Variants in KIF24 observed in about 807,000 individuals in gnomAD.
The protein encoded by KIF24 is kinesin family member 24.
KIF24 carries 81 observed loss-of-function variants against 118.9 expected under a neutral mutation model. The ratio of observed to expected loss-of-function variants is 0.68; its 90% CI spans 0.57 to 0.82. The LOEUF (loss-of-function observed/expected upper bound fraction) is 0.82, where lower values mean the gene tolerates loss of function less well. Among genes scored for constraint, KIF24 ranks in the 40% least tolerant of loss-of-function variants. The pLI, the probability that KIF24 is intolerant of heterozygous loss-of-function variation, is 0.00. For missense variants in KIF24, 1,560 were observed against 1,661.6 expected, an observed-to-expected ratio of 0.94 and a Z score of 1.06; for synonymous variants, 599 against 610.0, an observed-to-expected ratio of 0.98 and a Z score of 0.27.
At chr9:34,290,136 G>A (rs778860694) in intron 5 of KIF24, 38 bp downstream of exon 5, 19 of 1,429,670 alleles carry the variant, frequency 1.3e-5, no homozygotes, top group Admixed American at 6.9e-5. Context: ...TTAAAATAGC[G>A]ATGAACAGAT....
chr9:34,301,307 G>T (rs550609338), intron 3 of KIF24, among the ~76,000 whole-genome samples: 3 of 152,224 alleles, frequency 2.0e-5, no homozygotes, highest in East Asian at 3.9e-4. Flanking sequence ...GAGTGCAGGG[G>T]TGTGATCTCG....
At chr9:34,293,578 T>C (rs1245595903) in intron 4 of KIF24, among the ~76,000 whole-genome samples, 4 of 151,040 alleles carry the variant, frequency 2.6e-5, no homozygotes, top group African/African-American at 9.7e-5. Flanking sequence ...ATCGAGACCA[T>C]CCTGGCTAAC....
Position 34,257,718 on chromosome 9 carries a change from CT to C in KIF24, c.1888del (p.Arg630GlyfsTer19), listed in dbSNP as rs1834910046. On this transcript the variant is annotated frameshift_variant, in exon 11 of 13. Coordinates refer to ENST00000402558, the MANE Select transcript of KIF24 (RefSeq NM_194313.4). LOFTEE classifies it high-confidence loss of function. Reference sequence around the variant, plus strand: ...TGAAGGACTCCCTCTGGAGCCACCCCTTTTACCAGAGACCTTAGGTGCAGAA... The same window carrying C: ...TGAAGGACTCCCTCTGGAGCCACCCCTTTACCAGAGACCTTAGGTGCAGAA... ...FTSAPKVSGK[R>X]GGSRGSPSQE... 1 of 1,614,030 alleles carries C rather than the reference CT, an allele frequency of 6.2e-7. No individual in the cohort carries two copies. Among genetic ancestry groups the C allele is most frequent in the Non-Finnish European group, 8.5e-7 (1 of 1,179,894 alleles).
chr9:34,254,701 T>G (rs955838419), intron 12 of KIF24, among the ~76,000 whole-genome samples, 181 bp from the exon 13 acceptor site: 2 of 152,036 alleles, frequency 1.3e-5, no homozygotes, highest in Admixed American at 1.3e-4. Flanking sequence ...TTCGAGACAC[T>G]TTCCAAGCAG....
chr9:34,278,572 CAAA>C (rs57086054), intron 6 of KIF24, among the ~76,000 whole-genome samples: 5 of 87,946 alleles, frequency 5.7e-5, no homozygotes. Context: ...TAGAGCAAAC[CAAA>C]AAAAAAAAAA....
intron 4 of KIF24, among the ~76,000 whole-genome samples, 179 bp downstream of exon 4, chr9:34,296,838 T>A (rs1211276371): frequency 2.0e-5 from 3 of 152,154 alleles, no homozygotes; most frequent in Non-Finnish European, 2.9e-5. Context: ...AATTTCTAAA[T>A]CCTTGGTAAA....
intron 8 of KIF24, among the ~76,000 whole-genome samples, chr9:34,264,061 G>C (rs1426954937): frequency 6.6e-6 from 1 of 152,026 alleles, no homozygotes; most frequent in African/African-American, 2.4e-5. Flanking sequence ...GGGGTCGTGG[G>C]GGGCAAGATG....
chr9:34,267,737 T>G (rs1167695810), intron 8 of KIF24, among the ~76,000 whole-genome samples: 1 of 152,248 alleles, frequency 6.6e-6, no homozygotes, highest in Non-Finnish European at 1.5e-5. Flanking sequence ...ATTTTACACT[T>G]AGAGCATATC....
At chr9:34,262,708 ATATATG>A (rs1287273577) in intron 9 of KIF24, among the ~76,000 whole-genome samples, 2,605 of 57,768 alleles carry the variant, frequency 0.045, 183 homozygotes, top group East Asian at 0.25. Context: ...ATATATATAT[ATATATG>A]GCCAGGCATG....
intron 6 of KIF24, among the ~76,000 whole-genome samples, chr9:34,285,710 G>C (rs1836017841): frequency 6.7e-6 from 1 of 150,192 alleles, no homozygotes; most frequent in Non-Finnish European, 1.5e-5. Flanking sequence ...GGGAGGCAGA[G>C]CTTGCAATGA....
At chr9:34,254,620 C>T in intron 12 of KIF24, 100 bp from the exon 13 acceptor site, 1 of 1,231,488 alleles carries the variant, frequency 8.1e-7, no homozygotes, top group Non-Finnish European at 1.1e-6. Context: ...TTTCAGAACC[C>T]AGGCCACTCT....
chr9:34,280,092 G>A (rs1173781976), intron 6 of KIF24, among the ~76,000 whole-genome samples: 2 of 151,352 alleles, frequency 1.3e-5, no homozygotes, highest in East Asian at 1.9e-4. Context: ...AGACCATCCC[G>A]GCTAAAACGG....
In KIF24 at chr9:34,268,798, G is replaced by T. The variant is rs185592606; in HGVS notation, c.1443+459C>A. Among the ~76,000 whole-genome samples the T allele has an allele frequency of 2.2e-4, 33 of 152,282 alleles. No individual in the cohort carries two copies. The East Asian group carries it at 6.2e-3, about 28-fold the overall frequency. ...GCTGGGATTATAGGCGTGAGCCACC[G>T]CTCCCAGCTGGATTTTCTTTAAAAT... On this transcript the variant is annotated intron_variant, in intron 8 of 12. Coordinates refer to ENST00000402558, the MANE Select transcript of KIF24 (RefSeq NM_194313.4).
chr9:34,281,695 T>C (rs1450588817), intron 6 of KIF24, among the ~76,000 whole-genome samples: 1 of 152,174 alleles, frequency 6.6e-6, no homozygotes, highest in East Asian at 1.9e-4. Flanking sequence ...GCTGGAGGCA[T>C]TTCTACAATG....
chr9:34,319,262 A>G, intron 1 of KIF24: 1 of 1,219,418 alleles, frequency 8.2e-7, no homozygotes, highest in Non-Finnish European at 1.2e-6. Flanking sequence ...CTGGTAACCA[A>G]AGAGCAGCTG....
At chr9:34,309,486 A>T (rs2131809564) in intron 2 of KIF24, among the ~76,000 whole-genome samples, 1 of 147,048 alleles carries the variant, frequency 6.8e-6, no homozygotes, top group Admixed American at 7.0e-5. Context: ...GCTTGCAGTG[A>T]GCAGAGATTG....
At chr9:34,302,464 T>C (rs1195199902) in intron 3 of KIF24, among the ~76,000 whole-genome samples, 3 of 126,842 alleles carry the variant, frequency 2.4e-5, no homozygotes, top group Non-Finnish European at 5.5e-5. Flanking sequence ...TCACCACGCT[T>C]GGCAATTTTT....
intron 1 of KIF24, among the ~76,000 whole-genome samples, chr9:34,321,641 CTG>C (rs1837528699): frequency 7.5e-6 from 1 of 134,132 alleles, no homozygotes; most frequent in Non-Finnish European, 1.6e-5. Context: ...GCGTCTCACT[CTG>C]TCGCCCAGGC....
rs766519774 is a variant in KIF24 at position 34,269,335 on chromosome 9, A to G, written c.1365T>C (p.Ser455=). Residue 455 remains serine (S), a synonymous_variant, in exon 8 of 13, where the codon AGT becomes AGC. Coordinates refer to ENST00000402558, the MANE Select transcript of KIF24 (RefSeq NM_194313.4). ...AGTCCCTTGCATCTGCTGCTCTTTCACTGCCAGCCAAGTCAATAAAAGAGA... is the reference window on the plus strand; with the variant it reads ...AGTCCCTTGCATCTGCTGCTCTTTCGCTGCCAGCCAAGTCAATAAAAGAGA... ...GRISFIDLAG[S]ERAADARDSD... The G allele has an allele frequency of 1.2e-6, 2 of 1,608,830 alleles. No homozygotes were observed. Among genetic ancestry groups the G allele is most frequent in the South Asian group, 2.2e-5 (2 of 90,844 alleles).
Sources: gnomAD v4.1 joint callset for allele counts (sites outside exome capture counted in the v4.1 genomes callset) on GRCh38, gnomAD v4.1.1 for gene constraint, MANE v1.5 for transcripts, NCBI Gene and HGNC (gene_info 2026-07-23, HGNC 2026-07-21) for gene names.